Variants in STARD13 observed in about 807,000 individuals in gnomAD.
STARD13 encodes stAR-related lipid transfer protein 13.
Under a neutral mutation model 106.4 loss-of-function variants are expected in STARD13, and 62 were observed. The observed-to-expected ratio is 0.58, with a 90% CI of 0.48 to 0.72. The LOEUF (loss-of-function observed/expected upper bound fraction) is 0.72. Ranked by LOEUF, STARD13 falls within the 30% of genes least tolerant of loss-of-function variation. STARD13 has a pLI of 0.00. For synonymous variants in STARD13, 565 were observed against 553.0 expected, an observed-to-expected ratio of 1.02 and a Z score of -0.31; for missense variants, 1,387 against 1,424.0, an observed-to-expected ratio of 0.97 and a Z score of 0.42.
At chr13:33,451,222 A>C in the STARD13 span, among the ~76,000 whole-genome samples, 1 of 152,174 alleles carries the variant, frequency 6.6e-6, no homozygotes, top group East Asian at 1.9e-4. Context: ...CAGTTATAGA[A>C]AAGAGTGGAA....
chr13:33,490,231 T>A, the STARD13 span, among the ~76,000 whole-genome samples: 1 of 152,194 alleles, frequency 6.6e-6, no homozygotes, highest in Non-Finnish European at 1.5e-5. Context: ...TGAAGGATGC[T>A]AGTAGGTATG....
chr13:33,598,273 T>C, the STARD13 span, among the ~76,000 whole-genome samples: 3 of 152,180 alleles, frequency 2.0e-5, no homozygotes, highest in Admixed American at 6.5e-5. Context: ...GGTTCGATGG[T>C]TGTGAATGTT....
chr13:33,534,551 T>C, the STARD13 span, among the ~76,000 whole-genome samples: 1 of 152,208 alleles, frequency 6.6e-6, no homozygotes, highest in Non-Finnish European at 1.5e-5. Flanking sequence ...ACATGCTGTT[T>C]TTTCATACAT....
At chr13:33,661,842 G>A in the STARD13 span, among the ~76,000 whole-genome samples, 1 of 151,160 alleles carries the variant, frequency 6.6e-6, no homozygotes, top group Non-Finnish European at 1.5e-5. Flanking sequence ...ACATATATGT[G>A]TATCTACGTA....
the STARD13 span, among the ~76,000 whole-genome samples, chr13:33,416,616 A>C: frequency 6.6e-6 from 1 of 152,230 alleles, no homozygotes; most frequent in Non-Finnish European, 1.5e-5. Context: ...GATATTTTCA[A>C]GTGATGCTGG....
chr13:33,635,750 AG>A, the STARD13 span, among the ~76,000 whole-genome samples: 3 of 152,038 alleles, frequency 2.0e-5, no homozygotes, highest in Admixed American at 2.0e-4. Context: ...TGGGAGGCTG[AG>A]GTGGGCAGAT....
chr13:33,112,751 A>G lies in STARD13; in HGVS notation c.2462T>C (p.Leu821Pro), dbSNP rs746109300. 1 of 1,603,596 alleles carries G rather than the reference A, an allele frequency of 6.2e-7. No homozygotes were observed. The highest frequency in any genetic ancestry group is 1.7e-5 in the Admixed American group (1 of 57,852). The change falls in exon 9 of 14, where the codon CTT (leucine) becomes CCT (proline). Residue 821 changes from leucine to proline, a missense_variant. Coordinates refer to ENST00000336934, the MANE Select transcript of STARD13 (RefSeq NM_178006.4). ...AGAGCTTTCTTTCTTCAATAAATTA[A>G]GATGAAAGAGGGAGGGGGCCAGACA... is the stretch of plus-strand genomic sequence containing the variant. ...AVCLAPSLFH[L>P]NLLKKESSPR... is the part of the protein sequence containing the mutation.
At chr13:33,354,620 C>T (rs1385103711), upstream of STARD13, among the ~76,000 whole-genome samples, 1 of 152,200 alleles carries the variant, frequency 6.6e-6, no homozygotes, top group Non-Finnish European at 1.5e-5. Context: ...GGATCATTTA[C>T]TGACTGAATG....
At chr13:33,591,807 G>GA in the STARD13 span, among the ~76,000 whole-genome samples, 1 of 150,944 alleles carries the variant, frequency 6.6e-6, no homozygotes, top group East Asian at 1.9e-4. Context: ...AATATGGAAG[G>GA]AAAAAAAAGA....
At chr13:33,108,008 C>T (rs1303852526) in intron 12 of STARD13, among the ~76,000 whole-genome samples, 2 of 152,216 alleles carry the variant, frequency 1.3e-5, no homozygotes, top group African/African-American at 4.8e-5. Flanking sequence ...CCAAGCCCCA[C>T]ACAAATGCTC....
the STARD13 span, among the ~76,000 whole-genome samples, chr13:33,402,161 G>A: frequency 5.8e-4 from 88 of 152,304 alleles, no homozygotes; most frequent in African/African-American, 2.0e-3. Flanking sequence ...GAGATGGATA[G>A]TGCCCTTATA....
chr13:33,669,438 C>T, the STARD13 span, among the ~76,000 whole-genome samples: 1 of 151,928 alleles, frequency 6.6e-6, no homozygotes, highest in Admixed American at 6.5e-5. Context: ...GGCACACCAT[C>T]GCCAGTGGTC....
chr13:33,355,736 T>A, the STARD13 span: 15 of 152,244 alleles, frequency 9.9e-5, no homozygotes, highest in African/African-American at 3.4e-4. Context: ...CTGAAAGTTC[T>A]GGAGAAGCTG....
the STARD13 span, among the ~76,000 whole-genome samples, chr13:33,393,390 A>T: frequency 6.6e-6 from 1 of 152,184 alleles, no homozygotes; most frequent in African/African-American, 2.4e-5. Flanking sequence ...ACCAAAAGCA[A>T]TGTCAGCATG....
At chr13:33,359,678 A>T in the STARD13 span, 1 of 152,804 alleles carries the variant, frequency 6.5e-6, no homozygotes, top group Non-Finnish European at 1.5e-5. Flanking sequence ...AAAAAAAAAA[A>T]TCTAGTCTCA....
chr13:33,608,879 G>A, the STARD13 span, among the ~76,000 whole-genome samples: 1 of 152,050 alleles, frequency 6.6e-6, no homozygotes. Context: ...AAGGTCAGGA[G>A]ATCTAGACCA....
At chr13:33,571,767 G>A in the STARD13 span, among the ~76,000 whole-genome samples, 2 of 152,168 alleles carry the variant, frequency 1.3e-5, no homozygotes, top group Non-Finnish European at 2.9e-5. Flanking sequence ...GTCAGTCACA[G>A]AAATAACTGC....
intron 1 of STARD13, among the ~76,000 whole-genome samples, chr13:33,245,309 A>T (rs1889767691): frequency 6.6e-6 from 1 of 152,254 alleles, no homozygotes; most frequent in African/African-American, 2.4e-5. Context: ...GTAAACAGAA[A>T]AAAGACAAGA....
chr13:33,147,849 T>A (rs982837328), intron 3 of STARD13, among the ~76,000 whole-genome samples: 2 of 152,126 alleles, frequency 1.3e-5, no homozygotes, highest in African/African-American at 4.8e-5. Flanking sequence ...ATCATGATAG[T>A]ATGGTACTGG....
Sources: allele counts gnomAD v4.1 joint callset (sites outside exome capture counted in the v4.1 genomes callset), GRCh38; gene constraint gnomAD v4.1.1; transcripts MANE v1.5; gene names NCBI Gene and HGNC (gene_info 2026-07-23, HGNC 2026-07-21).